The following AATK variants were observed in gnomAD, a reference collection of about 807,000 sequenced individuals.
AATK encodes the protein serine/threonine-protein kinase LMTK1.
A neutral mutation model predicts 114.3 loss-of-function variants in AATK; 91 were observed. That is an observed-to-expected ratio of 0.80 (90% CI 0.67 to 0.95). The LOEUF is 0.95. Among genes scored for constraint, AATK ranks in the 40% least tolerant of loss-of-function variants. AATK has a pLI of 0.00. For synonymous variants in AATK, 1,075 were observed against 916.5 expected (o/e 1.17, Z -3.12); for missense variants, 2,176 against 1,965.2 (o/e 1.11, Z -2.03).
At position 81,120,034 on chromosome 17, in the gene AATK, G is replaced by T; in HGVS notation, c.3785C>A (p.Ser1262Ter). Reference protein sequence around the residue: ...LGEPFPGAKESPPTFLRGSPG... With the variant: ...LGEPFPGAKE Reference sequence around the variant, plus strand: ...GCTCCCCCTAAGGAACGTAGGGGGCGATTCCTTGGCGCCCGGGAAGGGCTC... The same window carrying T: ...GCTCCCCCTAAGGAACGTAGGGGGCTATTCCTTGGCGCCCGGGAAGGGCTC... The change falls in exon 12 of 14, where the codon TCG becomes TAG. Residue 1262 changes from serine to a stop codon, truncating the protein, a stop_gained. Coordinates refer to ENST00000326724, the MANE Select transcript of AATK (RefSeq NM_001080395.3). LOFTEE classifies it high-confidence loss of function. 1 of 1,455,160 alleles carries T rather than the reference G, an allele frequency of 6.9e-7. No individual in the cohort carries two copies. The highest frequency in any genetic ancestry group is 9.1e-7 in the Non-Finnish European group (1 of 1,101,464). 90.1% of individuals were successfully genotyped at this position (1,455,160 alleles called of 1,614,324 possible).
intron 2 of AATK, chr17:81,132,086 G>A (rs1598931820): frequency 8.2e-7 from 1 of 1,216,592 alleles, no homozygotes; most frequent in Non-Finnish European, 1.1e-6. Context: ...CCCAAGTCCA[G>A]GGCACATTCC....
Position 81,118,310 on chromosome 17 carries a change from A to C in AATK, c.*92T>G, listed in dbSNP as rs1240998063. The C allele has an allele frequency of 2.9e-6, 4 of 1,360,740 alleles. No individual in the cohort carries two copies. The highest frequency in any genetic ancestry group is 4.1e-6 in the Non-Finnish European group (4 of 985,346). 84.3% of individuals were successfully genotyped at this position (1,360,740 alleles called of 1,614,324 possible). On this transcript the variant is annotated 3_prime_UTR_variant, in exon 14 of 14. Coordinates refer to ENST00000326724, the MANE Select transcript of AATK (RefSeq NM_001080395.3). Reference sequence around the variant, plus strand: ...GAATCTGCTGCCAACAGCCACCAGGACGTGGTCCCCACCTTCTCGGTCACC... The same window carrying C: ...GAATCTGCTGCCAACAGCCACCAGGCCGTGGTCCCCACCTTCTCGGTCACC...
intron 1 of AATK, among the ~76,000 whole-genome samples, chr17:81,156,899 C>T (rs543157421): frequency 6.9e-5 from 10 of 143,896 alleles, no homozygotes; most frequent in Admixed American, 1.4e-4. Context: ...ACTGAGGACC[C>T]CCTCCCCAAC....
Position 81,134,353 on chromosome 17 carries a change from G to A in AATK, c.189+15C>T. 4 of 1,612,492 alleles carry A rather than the reference G, an allele frequency of 2.5e-6. No individual in the cohort carries two copies. Among genetic ancestry groups the A allele is most frequent in the Non-Finnish European group, 3.4e-6 (4 of 1,179,570 alleles). On this transcript the variant is annotated intron_variant, in intron 2 of 13. Coordinates refer to ENST00000326724, the MANE Select transcript of AATK (RefSeq NM_001080395.3). ...GCGGGATCCCACGACAGCTCCCGCG[G>A]CCCCCAGGCCTCACCTTGAACCCGA...
In AATK at chr17:81,121,884, G is replaced by C. The variant is rs753655906; in HGVS notation, c.2052C>G (p.Ala684=). 7.4e-5 allele frequency: 118 copies of C among 1,600,012 alleles called. No homozygotes were observed. Among genetic ancestry groups the C allele is most frequent in the Non-Finnish European group, 9.9e-5 (117 of 1,179,128 alleles). Residue 684 remains alanine, a synonymous_variant, in exon 11 of 14, where the codon GCC becomes GCG. Coordinates refer to ENST00000326724, the MANE Select transcript of AATK (RefSeq NM_001080395.3). ...QRGHWRSNVS[A]NNNSGSRCPE... ...GACAGCGGCTGCCGCTGTTGTTGTT[G>C]GCTGACACGTTGGAGCGCCAGTGCC...
At chr17:81,142,034 C>T (rs575276039) in intron 1 of AATK, among the ~76,000 whole-genome samples, 2 of 151,956 alleles carry the variant, frequency 1.3e-5, no homozygotes, top group South Asian at 4.2e-4. Context: ...CAGCTCACTG[C>T]AACCTCCACC....
chr17:81,118,710 T>C (rs931697386), intron 13 of AATK, among the ~76,000 whole-genome samples: 1 of 152,244 alleles, frequency 6.6e-6, no homozygotes, highest in African/African-American at 2.4e-5. Flanking sequence ...GCCAAGGTCA[T>C]GCAGTGGCCT....
intron 2 of AATK, among the ~76,000 whole-genome samples, chr17:81,133,779 GC>G (rs1257481868): frequency 1.3e-5 from 2 of 152,156 alleles, no homozygotes; most frequent in African/African-American, 2.4e-5. Flanking sequence ...CAGAGGGGCA[GC>G]CTAGTGAGGC....
In AATK at chr17:81,126,335, A is replaced by G; in HGVS notation, c.755+92T>C. On this transcript the variant is annotated intron_variant, in intron 7 of 13. Coordinates refer to ENST00000326724, the MANE Select transcript of AATK (RefSeq NM_001080395.3). The surrounding 1 kb of genome is among the most constrained non-coding windows in gnomAD (Gnocchi z 5.1). The stretch of plus-strand genomic sequence containing the variant: ...GAGATGAACCTGGCCGGTCCTCGCA[A>G]GCCCCCTGAGGCAGGACCCGCCCTA... 1 of 1,438,542 alleles carries G rather than the reference A, an allele frequency of 7.0e-7. No homozygotes were observed. The highest frequency in any genetic ancestry group is 9.3e-7 in the Non-Finnish European group (1 of 1,079,656). 89.1% of individuals were successfully genotyped at this position (1,438,542 alleles called of 1,614,324 possible).
rs531737415 is a variant in AATK, at chr17:81,130,712, C to T, written c.334+349G>A. ...GCCATGTCCAGGACCAGAGAGCCCG[C>T]ACCCCTGCCCCAGTGCCCACCCCTG... On this transcript the variant is annotated intron_variant, in intron 3 of 13. Coordinates refer to ENST00000326724, the MANE Select transcript of AATK (RefSeq NM_001080395.3). Among the ~76,000 whole-genome samples the T allele has an allele frequency of 4.8e-4, 73 of 152,186 alleles. 1 individual carries two copies. In the South Asian group the frequency reaches 9.5e-3, roughly 20 times the overall value.
At position 81,120,893 on chromosome 17, in the gene AATK, A is replaced by T; in HGVS notation, c.3043T>A (p.Cys1015Ser). The T allele has an allele frequency of 6.3e-7, 1 of 1,589,648 alleles. No homozygotes were observed. The highest frequency in any genetic ancestry group is 8.6e-7 in the Non-Finnish European group (1 of 1,168,604). The part of the protein sequence containing the change: ...AEATSGPEKK[C>S]GGDRAPGPEL... ...GGCCCGGGGGCTCGGTCCCCGCCGC[A>T]CTTCTTCTCTGGGCCTGAGGTGGCC... The change falls in exon 11 of 14, where the codon TGC (cysteine) becomes AGC (serine). Residue 1015 changes from cysteine (C) to serine (S), a missense_variant. Cys to Ser is a moderately radical substitution (Grantham distance 112). Transcript: ENST00000326724.
chr17:81,143,939 C>T (rs1435468274), intron 1 of AATK, among the ~76,000 whole-genome samples: 2 of 152,246 alleles, frequency 1.3e-5, no homozygotes, highest in African/African-American at 2.4e-5. Context: ...CCCCCCACAA[C>T]AGCAGGTGCA....
At position 81,122,416 on chromosome 17, in the gene AATK, G is replaced by A. The variant is rs1190699201; in HGVS notation, c.1520C>T (p.Ala507Val). The A allele has an allele frequency of 2.7e-6, 4 of 1,462,878 alleles. No individual in the cohort carries two copies. Among genetic ancestry groups the A allele is most frequent in the African/African-American group, 1.5e-5 (1 of 67,226 alleles). The allele number at this position is 1,462,878 out of a possible 1,614,324, so 90.6% of individuals were successfully genotyped here. ...GRTARLQELC[A>V]PDGAPPGVVP... ...CACGCCCGGGGGCGCGCCGTCGGGG[G>A]CGCACAGCTCCTGCAGGCGTGCGGT... The change falls in exon 11 of 14, where the codon GCC becomes GTC. Residue 507 changes from alanine (A) to valine (V), a missense_variant. Ala to Val is a moderately conservative substitution (Grantham distance 64). Coordinates refer to ENST00000326724, the MANE Select transcript of AATK (RefSeq NM_001080395.3).
At chr17:81,146,997 GA>G (rs1175978959) in intron 1 of AATK, among the ~76,000 whole-genome samples, 1 of 100,914 alleles carries the variant, frequency 9.9e-6, no homozygotes, top group Non-Finnish European at 2.3e-5. Flanking sequence ...ATAAAGTAAG[GA>G]ATGAGAAAGT....
chr17:81,120,745 C>T lies in AATK; in HGVS notation c.3191G>A (p.Gly1064Glu). The change falls in exon 11 of 14, where the codon GGG (glycine) becomes GAG (glutamate). Residue 1064 changes from glycine (G) to glutamate (E), a missense_variant. By Grantham distance (98) the Gly-to-Glu change is moderately conservative (BLOSUM62 -2). This residue lies in a region of AATK where 1,701 missense variants were observed against 1,394.7 expected (regional missense o/e 1.22). Transcript: ENST00000326724. ...EVLPPLLQLE[G>E]SSPEPSTCPS... is the part of the protein sequence containing the mutation. ...GCAGGTGCTGGGCTCTGGGGAGGAC[C>T]CTTCAAGCTGCAGCAGTGGGGGCAG... The T allele has an allele frequency of 1.3e-6, 2 of 1,577,128 alleles. No individual in the cohort carries two copies. Among genetic ancestry groups the T allele is most frequent in the East Asian group, 2.3e-5 (1 of 43,310 alleles).
At chr17:81,129,516 T>C (rs1163942585) in intron 3 of AATK, among the ~76,000 whole-genome samples, 1 of 152,180 alleles carries the variant, frequency 6.6e-6, no homozygotes, top group Non-Finnish European at 1.5e-5. Flanking sequence ...TTCTCCCCGC[T>C]GACCTCTGGG....
intron 3 of AATK, among the ~76,000 whole-genome samples, chr17:81,129,700 C>A (rs1488989923): frequency 6.6e-6 from 1 of 152,178 alleles, no homozygotes; most frequent in Non-Finnish European, 1.5e-5. Flanking sequence ...CTCTGAGAAT[C>A]TTCGGGGGCC....
chr17:81,146,071 C>G (rs1271168778), intron 1 of AATK, among the ~76,000 whole-genome samples: 1 of 151,748 alleles, frequency 6.6e-6, no homozygotes, highest in Non-Finnish European at 1.5e-5. Context: ...CACCTGTAAT[C>G]CCAGCTACTT....
chr17:81,125,104 G>T, intron 7 of AATK, 90 bp from the exon 8 acceptor site: 2 of 896,562 alleles, frequency 2.2e-6, no homozygotes, highest in Non-Finnish European at 3.4e-6. Flanking sequence ...GGGGTGTGCC[G>T]GGCGGGGGCA....
Sources: allele counts gnomAD v4.1 joint callset (sites outside exome capture counted in the v4.1 genomes callset), GRCh38; gene constraint gnomAD v4.1.1; regional missense constraint gnomAD v4.1.1; non-coding constraint Gnocchi (gnomAD v3.1); transcripts MANE v1.5; gene names NCBI Gene and HGNC (gene_info 2026-07-23, HGNC 2026-07-21).